Variants in TMEM255A observed in about 807,000 individuals in gnomAD.
TMEM255A encodes family with sequence similarity 70, member A.
Under a neutral mutation model 23.5 loss-of-function variants are expected in TMEM255A, and 14 were observed. The ratio of observed to expected loss-of-function variants is 0.60; its 90% CI spans 0.39 to 0.93. The LOEUF (loss-of-function observed/expected upper bound fraction) is 0.93, where lower values mean the gene tolerates loss of function less well. Among genes scored for constraint, TMEM255A ranks in the 40% least tolerant of loss-of-function variants. TMEM255A has a pLI of 0.00. For missense variants in TMEM255A, 233 were observed against 261.7 expected, an observed-to-expected ratio of 0.89 and a Z score of 0.76; for synonymous variants, 104 against 100.3, an observed-to-expected ratio of 1.04 and a Z score of -0.22.
intron 1 of TMEM255A, among the ~76,000 whole-genome samples, chrX:120,306,513 T>C (rs976451114): frequency 1.1e-4 from 12 of 111,553 alleles, no homozygotes; most frequent in Non-Finnish European, 1.9e-4. Flanking sequence ...TTCCCTTCTC[T>C]TTTGTCACTC....
intron 3 of TMEM255A, among the ~76,000 whole-genome samples, chrX:120,293,128 C>T (rs986371726): frequency 8.0e-5 from 9 of 112,488 alleles, no homozygotes; most frequent in African/African-American, 2.6e-4. Flanking sequence ...GGAGCTATTA[C>T]GTTATCTGAT....
intron 8 of TMEM255A, among the ~76,000 whole-genome samples, chrX:120,267,932 A>T (rs978058904): frequency 6.3e-5 from 7 of 111,122 alleles, no homozygotes; most frequent in Non-Finnish European, 1.1e-4. Context: ...CCATTTCCCA[A>T]CTAGCTTATC....
At chrX:120,268,726 G>T (rs1365090612) in intron 7 of TMEM255A, among the ~76,000 whole-genome samples, 1 of 111,373 alleles carries the variant, frequency 9.0e-6, no homozygotes, top group Non-Finnish European at 1.9e-5. Context: ...GAGGTATATA[G>T]GGATTCTTAA....
intron 6 of TMEM255A, among the ~76,000 whole-genome samples, chrX:120,279,048 C>T (rs929141158): frequency 2.7e-5 from 3 of 112,311 alleles, no homozygotes; most frequent in Non-Finnish European, 5.6e-5. Context: ...CTGGTAGAAT[C>T]TCTGGTGATG....
chrX:120,300,554 A>ATTTTTTTTTT (rs368966488), intron 2 of TMEM255A, among the ~76,000 whole-genome samples: 22 of 74,195 alleles, frequency 3.0e-4, no homozygotes, highest in East Asian at 1.8e-3. Context: ...GGCCAGGCTA[A>ATTTTTTTTTT]TTTTTTTTTT....
At chrX:120,305,182 C>T (rs1379582692) in intron 1 of TMEM255A, among the ~76,000 whole-genome samples, 1 of 111,504 alleles carries the variant, frequency 9.0e-6, no homozygotes, top group Non-Finnish European at 1.9e-5. Flanking sequence ...GTGAGGGTGA[C>T]ATAAACATAA....
chrX:120,298,981 G>A (rs1450666653), intron 2 of TMEM255A, among the ~76,000 whole-genome samples: 1 of 111,363 alleles, frequency 9.0e-6, no homozygotes, highest in Non-Finnish European at 1.9e-5. Context: ...GTCGTGTTCA[G>A]AGGACTGTGA....
At chrX:120,269,814 G>C (rs1274472694) in intron 7 of TMEM255A, among the ~76,000 whole-genome samples, 1 of 111,878 alleles carries the variant, frequency 8.9e-6, no homozygotes. Flanking sequence ...TGTCTCTGGG[G>C]AAGTACCAGA....
intron 7 of TMEM255A, among the ~76,000 whole-genome samples, chrX:120,274,194 G>C (rs782716161): frequency 8.9e-5 from 10 of 112,106 alleles, no homozygotes; most frequent in Non-Finnish European, 1.9e-4. Flanking sequence ...TCCATTTATA[G>C]AAAATACCTG....
intron 6 of TMEM255A, among the ~76,000 whole-genome samples, chrX:120,278,639 T>C (rs1170727491): frequency 2.7e-5 from 3 of 111,940 alleles, no homozygotes; most frequent in African/African-American, 9.7e-5. Flanking sequence ...CTAAAACACT[T>C]AAAGTCACAA....
downstream of TMEM255A, chrX:120,254,166 A>G: frequency 8.3e-7 from 1 of 1,211,018 alleles, no homozygotes; most frequent in African/African-American, 1.7e-5. Flanking sequence ...GAAACTTCCT[A>G]CTCCTGTGAA....
At chrX:120,278,905 G>A (rs1196506347) in intron 6 of TMEM255A, among the ~76,000 whole-genome samples, 1 of 111,919 alleles carries the variant, frequency 8.9e-6, no homozygotes. Context: ...GTCTATGTGT[G>A]CCTGCCTGTT....
chrX:120,287,618 C>G (rs915142427), intron 4 of TMEM255A, among the ~76,000 whole-genome samples: 16 of 111,002 alleles, frequency 1.4e-4, no homozygotes, highest in African/African-American at 5.3e-4. Flanking sequence ...TCAAGTCCAA[C>G]AATGAGGTTT....
chrX:120,254,822 C>T (rs371846102), downstream of TMEM255A: 4 of 1,209,814 alleles, frequency 3.3e-6, no homozygotes, highest in East Asian at 5.9e-5. Context: ...CGTCTGGCAG[C>T]GAGATGGCAA....
rs1466064129 is a variant in TMEM255A at position 120,259,752 on chromosome X, C to G, written c.*1118G>C. The G allele has an allele frequency of 1.8e-5, 2 of 111,725 alleles. No individual in the cohort carries two copies. Among genetic ancestry groups the G allele is most frequent in the African/African-American group, 6.5e-5 (2 of 30,586 alleles). 9.2% of individuals were successfully genotyped at this position (111,725 alleles called of 1,213,427 possible). ...CTGTACAAATACCTACCACGGTGTG[C>G]CAGATGGATTTTAAATCTGCCGTAA... On this transcript the variant is annotated 3_prime_UTR_variant, in exon 9 of 9. Coordinates refer to ENST00000371369, the MANE Select transcript of TMEM255A (RefSeq NM_001104544.3).
Position 120,297,151 on chromosome X carries a change from TA to T in TMEM255A, c.202-3101del, listed in dbSNP as rs1467363355. Among the ~76,000 whole-genome samples, 30 of 51,174 alleles carry T rather than the reference TA, an allele frequency of 5.9e-4. 1 individual carries two copies. Among genetic ancestry groups the T allele is most frequent in the Admixed American group, 1.7e-3 (5 of 2,981 alleles). The allele number at this position is 51,174 out of a possible 115,157, so 44.4% of individuals were successfully genotyped here. The stretch of plus-strand genomic sequence containing the variant: ...ATATAATATTATATATATTATATTA[TA>T]TTATAATATATATATTATATATAAT... On this transcript the variant is annotated intron_variant, in intron 2 of 8. Coordinates refer to ENST00000371369, the MANE Select transcript of TMEM255A (RefSeq NM_001104544.3).
At chrX:120,300,805 C>T (rs1278845938) in intron 2 of TMEM255A, among the ~76,000 whole-genome samples, 1 of 109,650 alleles carries the variant, frequency 9.1e-6, no homozygotes, top group Non-Finnish European at 1.9e-5. Flanking sequence ...GCCTTAACCT[C>T]CTGAGCTCAA....
chrX:120,283,438 T>C lies in TMEM255A; in HGVS notation c.512+1689A>G. Among the ~76,000 whole-genome samples, 3 of 110,457 alleles carry C rather than the reference T, an allele frequency of 2.7e-5. No individual in the cohort carries two copies. The Middle Eastern group carries it at 0.014, about 504-fold the overall frequency. On this transcript the variant is annotated intron_variant, in intron 6 of 8. Coordinates refer to ENST00000371369, the MANE Select transcript of TMEM255A (RefSeq NM_001104544.3). ...GCAAGTCTTAATCCTTAAACCAGAG[T>C]AACTGACCCCAAAATACCGACAGTA...
At chrX:120,270,282 T>A (rs1264617825) in intron 7 of TMEM255A, among the ~76,000 whole-genome samples, 1 of 109,084 alleles carries the variant, frequency 9.2e-6, no homozygotes, top group African/African-American at 3.4e-5. Context: ...TGTGCACGTA[T>A]AGGAGTGTGT....
Sources: allele counts gnomAD v4.1 joint callset (sites outside exome capture counted in the v4.1 genomes callset), GRCh38; gene constraint gnomAD v4.1.1; transcripts MANE v1.5; gene names NCBI Gene and HGNC (gene_info 2026-07-23, HGNC 2026-07-21).